KAT2B: variants seen among roughly 807,000 people sequenced by gnomAD.
KAT2B encodes histone acetyltransferase KAT2B.
A neutral mutation model predicts 105.9 loss-of-function variants in KAT2B; 36 were observed. That is an observed-to-expected ratio of 0.34 (90% confidence interval 0.26 to 0.45). The LOEUF (loss-of-function observed/expected upper bound fraction) is 0.45. Among genes scored for constraint, KAT2B ranks in the 20% least tolerant of loss-of-function variants. The pLI is 1.00. For synonymous variants in KAT2B, 397 were observed against 377.9 expected, an observed-to-expected ratio of 1.05 and a Z score of -0.59; for missense variants, 820 against 1,021.6, an observed-to-expected ratio of 0.80 and a Z score of 2.69.
chr3:20,062,579 A>G (rs563661598), intron 1 of KAT2B, among the ~76,000 whole-genome samples: 2 of 150,102 alleles, frequency 1.3e-5, no homozygotes, highest in South Asian at 2.1e-4. Flanking sequence ...CTCTTGCCTC[A>G]GCTTCCCGAG....
Position 20,040,772 on chromosome 3 carries a change from G to A in KAT2B, c.295G>A (p.Ala99Thr). Residue 99 changes from alanine (A) to threonine (T), a missense_variant, in exon 1 of 18, where the codon GCC becomes ACC. By Grantham distance (58) the Ala-to-Thr change is moderately conservative. Transcript: ENST00000263754. Reference sequence around the variant, plus strand: ...ACTGGAGAAACTCGGAGTGTACTCCGCCTGCAAGGTACGCGCTCGCCGCTC... The same window carrying A: ...ACTGGAGAAACTCGGAGTGTACTCCACCTGCAAGGTACGCGCTCGCCGCTC... The part of the protein sequence containing the change: ...KKLEKLGVYS[A>T]CKAEESCKCN... 6.3e-7 allele frequency: 1 copy of A among 1,590,518 alleles called. No homozygotes were observed.
intron 1 of KAT2B, 83 bp downstream of exon 1, chr3:20,040,863 CCGCCTCCCGCCTCCTGCCTCT>C (rs1224674808): frequency 2.4e-5 from 34 of 1,391,976 alleles, no homozygotes; most frequent in Non-Finnish European, 3.2e-5. Flanking sequence ...GCTTCCACCT[CCGCCTCCCGCCTCCTGCCTCT>C]CGCCTCCCGC....
rs1177291837 is a variant in KAT2B, at chr3:20,122,694, C to T, written c.1303C>T (p.His435Tyr). Residue 435 changes from histidine (H) to tyrosine (Y), a missense_variant, in exon 9 of 18, where the codon CAT (histidine) becomes TAT (tyrosine). By Grantham distance (83) the His-to-Tyr change is moderately conservative (BLOSUM62 2). Coordinates refer to ENST00000263754, the MANE Select transcript of KAT2B (RefSeq NM_003884.5). ...PGEKRKMTDS[H>Y]VLEEAKKPRV... ...AGAAAAGAGGAAAATGACTGATTCTCATGTTCTGGAGGAGGCCAAGAAACC... is the reference window on the plus strand; with the variant it reads ...AGAAAAGAGGAAAATGACTGATTCTTATGTTCTGGAGGAGGCCAAGAAACC... 2.2e-5 allele frequency: 36 copies of T among 1,613,850 alleles called. No homozygotes were observed. The highest frequency in any genetic ancestry group is 1.4e-4 in the South Asian group (13 of 91,044).
Position 20,147,955 on chromosome 3 carries a change from A to C in KAT2B, c.2120-8A>C. 6.2e-7 allele frequency: 1 copy of C among 1,613,160 alleles called. No individual in the cohort carries two copies. The highest frequency in any genetic ancestry group is 1.1e-5 in the South Asian group (1 of 91,006). ...TCTCATTCAGTGTTTCACTTTGTTGACGTATAGGAGAGACAGGCTGGAAAC... is the reference window on the plus strand; with the variant it reads ...TCTCATTCAGTGTTTCACTTTGTTGCCGTATAGGAGAGACAGGCTGGAAAC... On this transcript the variant is annotated splice_region_variant and splice_polypyrimidine_tract_variant and intron_variant, in intron 14 of 17. Transcript: ENST00000263754.
intron 1 of KAT2B, among the ~76,000 whole-genome samples, chr3:20,060,979 A>C (rs565358861): frequency 5.9e-5 from 9 of 152,256 alleles, no homozygotes; most frequent in African/African-American, 2.2e-4. Context: ...AACTGTGGTA[A>C]AATATAGATG....
At chr3:20,051,774 G>T (rs370959965) in intron 1 of KAT2B, among the ~76,000 whole-genome samples, 1 of 152,188 alleles carries the variant, frequency 6.6e-6, no homozygotes, top group Non-Finnish European at 1.5e-5. Flanking sequence ...TGATGAGCTC[G>T]TTATTTAATG....
chr3:20,085,750 A>G lies in KAT2B; in HGVS notation c.431-9513A>G, dbSNP rs559956222. Among the ~76,000 whole-genome samples, 3 of 152,126 alleles carry G rather than the reference A, an allele frequency of 2.0e-5. No homozygotes were observed. The East Asian group carries it at 5.8e-4, about 29-fold the overall frequency. On this transcript the variant is annotated intron_variant, in intron 2 of 17. Coordinates refer to ENST00000263754, the MANE Select transcript of KAT2B (RefSeq NM_003884.5). ...GGCCTCTAACTCCTGACTTCAGGTG[A>G]TCCACCTGCCTTGGCCTCCCAAAGT...
At chr3:20,058,822 G>C (rs181384533) in intron 1 of KAT2B, among the ~76,000 whole-genome samples, 2 of 152,296 alleles carry the variant, frequency 1.3e-5, no homozygotes. Context: ...AATTCAGGGA[G>C]AAGAGAAAGG....
At chr3:20,051,954 T>C (rs1697922642) in intron 1 of KAT2B, among the ~76,000 whole-genome samples, 1 of 152,278 alleles carries the variant, frequency 6.6e-6, no homozygotes, top group South Asian at 2.1e-4. Flanking sequence ...TTGGAAGATT[T>C]CTGCTCAGGT....
At chr3:20,125,269 C>G (rs973143909) in intron 9 of KAT2B, among the ~76,000 whole-genome samples, 33 of 136,752 alleles carry the variant, frequency 2.4e-4, no homozygotes, top group African/African-American at 8.5e-4. Context: ...AGCGCCACTG[C>G]AGTCTGGCCT....
At chr3:20,066,524 G>A (rs543915152) in intron 1 of KAT2B, among the ~76,000 whole-genome samples, 6 of 151,964 alleles carry the variant, frequency 3.9e-5, no homozygotes, top group Non-Finnish European at 8.8e-5. Flanking sequence ...TCAGCTTCCC[G>A]AGTAGCTGGG....
intron 7 of KAT2B, among the ~76,000 whole-genome samples, chr3:20,117,931 G>C (rs1438634294): frequency 4.6e-5 from 7 of 152,002 alleles, no homozygotes; most frequent in Admixed American, 4.6e-4. Flanking sequence ...AGAGTTACAA[G>C]AAGAGGACAA....
At position 20,086,825 on chromosome 3, in the gene KAT2B, A is replaced by AGGCTGCAGTGCAGTGGCGCAGTCTC. The variant is rs1559307956; in HGVS notation, c.431-8433_431-8432insCAGTGCAGTGGCGCAGTCTCGGCTG. On this transcript the variant is annotated intron_variant, in intron 2 of 17. Coordinates refer to ENST00000263754, the MANE Select transcript of KAT2B (RefSeq NM_003884.5). Reference sequence around the variant, plus strand: ...TTTTTTTTTTGAGATGGAGTCTCGCAGGCTGGAGTGCAGTGGTGCAATCTC... The same window carrying AGGCTGCAGTGCAGTGGCGCAGTCTC: ...TTTTTTTTTTGAGATGGAGTCTCGCAGGCTGCAGTGCAGTGGCGCAGTCTCGGCTGGAGTGCAGTGGTGCAATCTC... Among the ~76,000 whole-genome samples the AGGCTGCAGTGCAGTGGCGCAGTCTC allele has an allele frequency of 2.2e-4, 32 of 148,128 alleles. 1 individual carries two copies. The South Asian group carries it at 6.7e-3, about 31-fold the overall frequency.
intron 10 of KAT2B, among the ~76,000 whole-genome samples, chr3:20,126,344 G>C (rs759619739): frequency 6.6e-6 from 1 of 152,056 alleles, no homozygotes; most frequent in Non-Finnish European, 1.5e-5. Context: ...TTACATTGCT[G>C]ATGACTCTCC....
In KAT2B at chr3:20,114,936, T is replaced by A. The variant is rs978041007; in HGVS notation, c.1098T>A (p.Asp366Glu). The change falls in exon 7 of 18, where the codon GAT (aspartate) becomes GAA (glutamate). Residue 366 changes from aspartate to glutamate, a missense_variant. Transcript: ENST00000263754. ...ATAGTCAAAACTCTCCCATCTGGGA[T>A]CAGGATTTTCTCTCAGCCTCTTCCA... ...EVYSQNSPIW[D>E]QDFLSASSRT... 7 of 1,613,062 alleles carry A rather than the reference T, an allele frequency of 4.3e-6. No individual in the cohort carries two copies. In the African/African-American group the frequency reaches 8.0e-5, roughly 18 times the overall value.
chr3:20,056,160 G>A (rs1424874108), intron 1 of KAT2B, among the ~76,000 whole-genome samples: 2 of 152,210 alleles, frequency 1.3e-5, no homozygotes, highest in African/African-American at 4.8e-5. Flanking sequence ...CCAGTTGGAA[G>A]TTATTATAGT....
intron 3 of KAT2B, among the ~76,000 whole-genome samples, chr3:20,097,900 G>A (rs754302887): frequency 6.6e-6 from 1 of 151,688 alleles, no homozygotes; most frequent in African/African-American, 2.4e-5. Context: ...AATAATTAAA[G>A]TAAAAATGTG....
intron 1 of KAT2B, among the ~76,000 whole-genome samples, chr3:20,053,481 G>C (rs1343472973): frequency 1.3e-5 from 2 of 152,208 alleles, no homozygotes; most frequent in Non-Finnish European, 2.9e-5. Flanking sequence ...GCTGTGGTGA[G>C]CCGTGAGTGT....
chr3:20,140,376 G>A lies in KAT2B; in HGVS notation c.2004+12G>A. On this transcript the variant is annotated intron_variant, in intron 13 of 17. Coordinates refer to ENST00000263754, the MANE Select transcript of KAT2B (RefSeq NM_003884.5). ...AAAAGCAGAAGGAGGTAAGCAGGTG[G>A]TTGACTCCCTTACCTTCTGTACAGG... 1.2e-6 allele frequency: 2 copies of A among 1,613,160 alleles called. No individual in the cohort carries two copies. Among genetic ancestry groups the A allele is most frequent in the South Asian group, 1.1e-5 (1 of 91,016 alleles).
Sources: allele counts gnomAD v4.1 joint callset (sites outside exome capture counted in the v4.1 genomes callset), GRCh38; gene constraint gnomAD v4.1.1; transcripts MANE v1.5; gene names NCBI Gene and HGNC (gene_info 2026-07-23, HGNC 2026-07-21).